CAMSAP1: variants seen among roughly 807,000 people sequenced by gnomAD.
The protein encoded by CAMSAP1 is calmodulin-regulated spectrin-associated protein 1.
A neutral mutation model predicts 143.5 loss-of-function variants in CAMSAP1; 58 were observed. The ratio of observed to expected loss-of-function variants is 0.40; its 90% confidence interval spans 0.33 to 0.50. The LOEUF is 0.50. CAMSAP1 is among the 20% of genes least tolerant of loss of function. The pLI, the probability that CAMSAP1 is intolerant of heterozygous loss-of-function variation, is 0.45. For missense variants in CAMSAP1, 1,969 were observed against 2,115.7 expected, an observed-to-expected ratio of 0.93 and a Z score of 1.36; for synonymous variants, 945 against 859.3, an observed-to-expected ratio of 1.10 and a Z score of -1.74.
chr9:135,853,481 C>CA (rs1162819930), intron 5 of CAMSAP1, among the ~76,000 whole-genome samples: 1 of 152,202 alleles, frequency 6.6e-6, no homozygotes, highest in Non-Finnish European at 1.5e-5. Flanking sequence ...TCTGTGAAGA[C>CA]AAAAGTATTT....
chr9:135,849,325 G>A (rs926297488), intron 7 of CAMSAP1, among the ~76,000 whole-genome samples: 1 of 152,196 alleles, frequency 6.6e-6, no homozygotes, highest in African/African-American at 2.4e-5. Context: ...CAGGAAACAC[G>A]GTTTCCACTG....
Position 135,815,294 on chromosome 9 carries a change from T to G in CAMSAP1, c.4388-79A>C. ...ACAAAAAAGAAAACCAGCAATGTCT[T>G]AGAAGCAAGCAATGGGTAGGCTGAA... is the stretch of plus-strand genomic sequence containing the variant. On this transcript the variant is annotated intron_variant, in intron 15 of 16. Coordinates refer to ENST00000389532, the MANE Select transcript of CAMSAP1 (RefSeq NM_015447.4). The G allele has an allele frequency of 3.5e-6, 3 of 868,752 alleles. No individual in the cohort carries two copies. The South Asian group carries it at 5.5e-5, about 16-fold the overall frequency. The allele number at this position is 868,752 out of a possible 1,614,324, so 53.8% of individuals were successfully genotyped here. A position where few individuals can be genotyped will look rare whatever the true frequency, so the allele number is the denominator to read the frequency against.
chr9:135,857,820 G>C (rs147026820), intron 5 of CAMSAP1, among the ~76,000 whole-genome samples: 1 of 152,294 alleles, frequency 6.6e-6, no homozygotes, highest in Non-Finnish European at 1.5e-5. Context: ...GCACCAGGAG[G>C]AGAACCAGTC....
chr9:135,813,185 C>T (rs898067649), intron 16 of CAMSAP1, among the ~76,000 whole-genome samples: 1 of 152,188 alleles, frequency 6.6e-6, no homozygotes, highest in East Asian at 1.9e-4. Flanking sequence ...GTCAAGCCCT[C>T]GACCTCGAAA....
chr9:135,831,423 C>G (rs1242515796), intron 7 of CAMSAP1, among the ~76,000 whole-genome samples: 1 of 151,616 alleles, frequency 6.6e-6, no homozygotes, highest in Non-Finnish European at 1.5e-5. Context: ...TGCTTGAGGC[C>G]AGGAGTTCAA....
intron 3 of CAMSAP1, among the ~76,000 whole-genome samples, chr9:135,869,506 CAA>C (rs1181621076): frequency 7.1e-5 from 6 of 83,950 alleles, no homozygotes; most frequent in Admixed American, 1.2e-4. Flanking sequence ...CAGTCTCAAA[CAA>C]AAAAAAAAAA....
At chr9:135,859,682 G>A (rs906853459) in intron 5 of CAMSAP1, among the ~76,000 whole-genome samples, 2 of 150,778 alleles carry the variant, frequency 1.3e-5, no homozygotes, top group Non-Finnish European at 3.0e-5. Flanking sequence ...GTGAGCCACC[G>A]CGCCTGGCCG....
In CAMSAP1 at chr9:135,821,990, C is replaced by A. The variant is rs754801794; in HGVS notation, c.2671G>T (p.Ala891Ser). The A allele has an allele frequency of 1.2e-6, 2 of 1,612,994 alleles. No individual in the cohort carries two copies. Among genetic ancestry groups the A allele is most frequent in the Non-Finnish European group, 1.7e-6 (2 of 1,179,726 alleles). Residue 891 changes from alanine (A) to serine (S), a missense_variant, in exon 11 of 17, where the codon GCC (alanine) becomes TCC (serine). Around this residue, in one of 4 missense-constraint regions of CAMSAP1, gnomAD observed 1,390 missense variants for 1,420.8 expected, o/e 0.98. Transcript: ENST00000389532. The surrounding 1 kb of genome is among the most constrained non-coding windows in gnomAD (Gnocchi z 4.6). The part of the protein sequence containing the change: ...LHMQLEEKRR[A>S]IEAQKKKMEA... ...ATCTTCTTCTTCTGGGCCTCGATGG[C>A]CCTGCGCTTCTCCTCCAGCTGCATG...
intron 1 of CAMSAP1, 37 bp from the exon 2 acceptor site, chr9:135,883,115 CACAAG>C: frequency 2.6e-6 from 4 of 1,546,824 alleles, no homozygotes; most frequent in Non-Finnish European, 3.5e-6. Flanking sequence ...GAGTGCCACA[CACAAG>C]ACCCAAAGGA....
chr9:135,881,407 A>ATT (rs1837944418), intron 3 of CAMSAP1, among the ~76,000 whole-genome samples: 2 of 151,784 alleles, frequency 1.3e-5, no homozygotes, highest in Non-Finnish European at 2.9e-5. Flanking sequence ...CATGTGCTGC[A>ATT]TTTTCAGATA....
chr9:135,852,030 C>G (rs566746918), intron 5 of CAMSAP1, among the ~76,000 whole-genome samples: 6 of 152,298 alleles, frequency 3.9e-5, no homozygotes, highest in Non-Finnish European at 8.8e-5. Flanking sequence ...GCAGCATGAC[C>G]GACCTGTCCA....
intron 7 of CAMSAP1, among the ~76,000 whole-genome samples, chr9:135,845,390 A>G (rs978035989): frequency 6.6e-6 from 1 of 152,188 alleles, no homozygotes; most frequent in African/African-American, 2.4e-5. Context: ...AGCTATTTAG[A>G]CAAACCGACA....
chr9:135,902,375 A>G (rs1341825418), intron 1 of CAMSAP1, among the ~76,000 whole-genome samples: 1 of 152,200 alleles, frequency 6.6e-6, no homozygotes, highest in East Asian at 1.9e-4. Context: ...CAAGACTCCA[A>G]CCACTGTTGC....
At chr9:135,887,190 G>T (rs1296594095) in intron 1 of CAMSAP1, among the ~76,000 whole-genome samples, 1 of 152,230 alleles carries the variant, frequency 6.6e-6, no homozygotes, top group East Asian at 1.9e-4. Flanking sequence ...CGGGACAGAT[G>T]TCGGGAGAGA....
At chr9:135,856,697 C>T (rs1836991915) in intron 5 of CAMSAP1, among the ~76,000 whole-genome samples, 2 of 152,228 alleles carry the variant, frequency 1.3e-5, no homozygotes, top group South Asian at 4.1e-4. Flanking sequence ...CTCTATACAC[C>T]ATAACTATGT....
intron 1 of CAMSAP1, among the ~76,000 whole-genome samples, chr9:135,891,941 G>A (rs984417401): frequency 7.2e-5 from 11 of 152,198 alleles, no homozygotes; most frequent in African/African-American, 2.4e-4. Flanking sequence ...CAACGACAGA[G>A]GAGTCAGTGA....
intron 3 of CAMSAP1, among the ~76,000 whole-genome samples, chr9:135,879,741 G>A (rs1837874947): frequency 1.3e-5 from 2 of 151,978 alleles, no homozygotes; most frequent in African/African-American, 4.8e-5. Flanking sequence ...CGTGGCCTGA[G>A]GGAAATCATC....
Position 135,887,878 on chromosome 9 carries a change from C to T in CAMSAP1, c.161-4800G>A, listed in dbSNP as rs191130858. Among the ~76,000 whole-genome samples the T allele has an allele frequency of 6.5e-3, 987 of 152,294 alleles. 5 individuals carry two copies. The highest frequency in any genetic ancestry group is 9.0e-3 in the Non-Finnish European group (611 of 68,006). On this transcript the variant is annotated intron_variant, in intron 1 of 16. Transcript: ENST00000389532. Reference sequence around the variant, plus strand: ...AGCACTGTCACTCCTCGGACTGCTACGTCAGTACCCATGAGCAACGCATTC... The same window carrying T: ...AGCACTGTCACTCCTCGGACTGCTATGTCAGTACCCATGAGCAACGCATTC...
At position 135,850,419 on chromosome 9, in the gene CAMSAP1, T is replaced by C. The variant is rs1836733811; in HGVS notation, c.851A>G (p.Tyr284Cys). Residue 284 changes from tyrosine (Y) to cysteine (C), a missense_variant, in exon 6 of 17, where the codon TAT becomes TGT. Physicochemically the swap from Tyr to Cys is radical, Grantham distance 194. This residue lies in a region of CAMSAP1 where 221 missense variants were observed against 298.2 expected (regional missense o/e 0.74). Coordinates refer to ENST00000389532, the MANE Select transcript of CAMSAP1 (RefSeq NM_015447.4). ...KEVTSMADSL[Y>C]NIRLLREFSN... is the part of the protein sequence containing the mutation. ...GAATTCTCTCAGAAGCCGAATATTA[T>C]ACAGACTGTCGGCCATCGACGTTAC... 6.2e-7 allele frequency: 1 copy of C among 1,607,870 alleles called. No individual in the cohort carries two copies. The highest frequency in any genetic ancestry group is 1.3e-5 in the African/African-American group (1 of 74,520).
Sources: gnomAD v4.1 joint callset for allele counts (sites outside exome capture counted in the v4.1 genomes callset) on GRCh38, gnomAD v4.1.1 for gene constraint, gnomAD v4.1.1 regional missense constraint, Gnocchi (gnomAD v3.1) non-coding constraint, MANE v1.5 for transcripts, NCBI Gene and HGNC (gene_info 2026-07-23, HGNC 2026-07-21) for gene names.